Variants in MBNL2 observed in about 807,000 individuals in gnomAD.
MBNL2 encodes the protein muscleblind-like protein 2.
A neutral mutation model predicts 41.9 loss-of-function variants in MBNL2; 17 were observed. That is an observed-to-expected ratio of 0.41 (90% CI 0.28 to 0.61). The LOEUF is 0.61. Among genes scored for constraint, MBNL2 ranks in the 20% least tolerant of loss-of-function variants. The probability of loss-of-function intolerance (pLI) is 0.35; values close to 1 mark genes in which losing one functional copy is unlikely to be tolerated. For missense variants in MBNL2, 336 were observed against 505.6 expected, an observed-to-expected ratio of 0.66 and a Z score of 3.22; for synonymous variants, 195 against 182.9, an observed-to-expected ratio of 1.07 and a Z score of -0.53.
intron 2 of MBNL2, among the ~76,000 whole-genome samples, chr13:97,322,641 A>C (rs527278659): frequency 1.7e-4 from 26 of 152,232 alleles, no homozygotes; most frequent in African/African-American, 5.8e-4. Context: ...AAAACGAAGG[A>C]ACTCTTAATA....
Position 97,376,471 on chromosome 13 carries a change from C to T in MBNL2, c.1048+11300C>T, listed in dbSNP as rs1034755618. On this transcript the variant is annotated intron_variant, in intron 8 of 8. Transcript: ENST00000679496. Reference sequence around the variant, plus strand: ...TATAGCTAATCTAGCAGTTAGAATTCATCATGCTTTAGCATCAAGAACAAA... The same window carrying T: ...TATAGCTAATCTAGCAGTTAGAATTTATCATGCTTTAGCATCAAGAACAAA... 1.8e-4 allele frequency among the ~76,000 whole-genome samples: 28 copies of T among 152,212 alleles called. 1 individual carries two copies. The highest frequency in any genetic ancestry group is 6.5e-4 in the African/African-American group (27 of 41,454).
At chr13:97,305,143 A>T (rs2058011088) in intron 2 of MBNL2, among the ~76,000 whole-genome samples, 1 of 152,262 alleles carries the variant, frequency 6.6e-6, no homozygotes, top group Non-Finnish European at 1.5e-5. Flanking sequence ...GTAAAATTCC[A>T]GTTAGCATCT....
chr13:97,166,837 T>TAGATAGATAGATAGAAAGAA, the MBNL2 span, among the ~76,000 whole-genome samples: 228 of 143,468 alleles, frequency 1.6e-3, 2 homozygotes, highest in Middle Eastern at 3.6e-3. Context: ...GATAGATAGA[T>TAGATAGATAGATAGAAAGAA]AGAAAGATAG....
intron 3 of MBNL2, among the ~76,000 whole-genome samples, chr13:97,335,177 C>CT: frequency 6.6e-6 from 1 of 152,186 alleles, no homozygotes; most frequent in East Asian, 1.9e-4. Context: ...AAAGTACTTC[C>CT]TTAAAGGTCT....
At chr13:97,190,320 T>C in the MBNL2 span, among the ~76,000 whole-genome samples, 5 of 152,350 alleles carry the variant, frequency 3.3e-5, no homozygotes, top group Admixed American at 1.3e-4. Context: ...AGGATACTGA[T>C]ACTCCCTTCC....
At chr13:97,152,473 C>T in the MBNL2 span, among the ~76,000 whole-genome samples, 1 of 151,996 alleles carries the variant, frequency 6.6e-6, no homozygotes, top group Non-Finnish European at 1.5e-5. Context: ...ATAAAAAAGG[C>T]CCAAGCCCCA....
At chr13:97,214,206 C>G in the MBNL2 span, among the ~76,000 whole-genome samples, 4 of 152,232 alleles carry the variant, frequency 2.6e-5, no homozygotes, top group Non-Finnish European at 4.4e-5. Context: ...ATAGCATACA[C>G]TATTTGGTGA....
At chr13:97,373,084 G>A (rs1242225073) in intron 8 of MBNL2, among the ~76,000 whole-genome samples, 3 of 152,160 alleles carry the variant, frequency 2.0e-5, no homozygotes, top group Admixed American at 6.5e-5. Context: ...CAGCCTCTAT[G>A]GATGGCTGAT....
chr13:97,247,978 T>G (rs560328332), intron 1 of MBNL2, among the ~76,000 whole-genome samples: 65 of 152,254 alleles, frequency 4.3e-4, no homozygotes, highest in Non-Finnish European at 8.2e-4. Context: ...TGTTCTGGTT[T>G]AGTGTTTTAA....
chr13:97,357,186 T>G (rs1437695082), intron 6 of MBNL2, among the ~76,000 whole-genome samples: 1 of 152,188 alleles, frequency 6.6e-6, no homozygotes, highest in Admixed American at 6.5e-5. Flanking sequence ...TCGTCCCCCC[T>G]TAGAATAGTT....
the MBNL2 span, among the ~76,000 whole-genome samples, chr13:97,183,788 G>C: frequency 6.6e-6 from 1 of 152,318 alleles, no homozygotes; most frequent in East Asian, 1.9e-4. Flanking sequence ...TAATAAAAGG[G>C]AGGAATTATT....
At chr13:97,292,326 T>A (rs1196244642) in intron 2 of MBNL2, among the ~76,000 whole-genome samples, 1 of 152,168 alleles carries the variant, frequency 6.6e-6, no homozygotes, top group Non-Finnish European at 1.5e-5. Flanking sequence ...CTAAGGCCAT[T>A]CTTGCCATAG....
At chr13:97,242,305 G>C (rs1427980364) in intron 1 of MBNL2, among the ~76,000 whole-genome samples, 1 of 152,152 alleles carries the variant, frequency 6.6e-6, no homozygotes, top group Non-Finnish European at 1.5e-5. Flanking sequence ...TCATAGCCAA[G>C]GCTCCCGCAT....
chr13:97,252,083 C>G (rs1435154331), intron 1 of MBNL2, among the ~76,000 whole-genome samples: 1 of 151,772 alleles, frequency 6.6e-6, no homozygotes, highest in African/African-American at 2.4e-5. Context: ...ATCTCCTGAC[C>G]TCATGATCCA....
rs573941147 is a variant in MBNL2 at position 97,233,281 on chromosome 13, T to G, written c.-605+10750T>G. On this transcript the variant is annotated intron_variant, in intron 1 of 8. Coordinates refer to ENST00000679496, the MANE Select transcript of MBNL2 (RefSeq NM_001382683.1). ...GTGTGCTGCACCTATTAACTCGTCATTTACATTAGGTATATCTCCTAATGC... is the reference window on the plus strand; with the variant it reads ...GTGTGCTGCACCTATTAACTCGTCAGTTACATTAGGTATATCTCCTAATGC... Among the ~76,000 whole-genome samples the G allele has an allele frequency of 1.7e-3, 241 of 145,002 alleles. 3 individuals are homozygous for G. Among genetic ancestry groups the G allele is most frequent in the African/African-American group, 5.9e-3 (233 of 39,492 alleles).
chr13:97,204,779 C>T, the MBNL2 span, among the ~76,000 whole-genome samples: 1 of 151,990 alleles, frequency 6.6e-6, no homozygotes, highest in Admixed American at 6.6e-5. Flanking sequence ...ATGTAATTGT[C>T]GTCTATTAGG....
At chr13:97,303,860 G>A (rs180781758) in intron 2 of MBNL2, among the ~76,000 whole-genome samples, 2 of 152,334 alleles carry the variant, frequency 1.3e-5, no homozygotes, top group African/African-American at 2.4e-5. Context: ...GTCCTGTCAA[G>A]TTTGTTAAAT....
chr13:97,199,570 A>ACATT, the MBNL2 span, among the ~76,000 whole-genome samples: 3 of 152,362 alleles, frequency 2.0e-5, no homozygotes, highest in East Asian at 5.8e-4. Context: ...ATTGCTATAC[A>ACATT]AGACATTTAA....
intron 7 of MBNL2, among the ~76,000 whole-genome samples, chr13:97,364,816 A>T (rs1388137400): frequency 6.6e-6 from 1 of 152,166 alleles, no homozygotes; most frequent in Non-Finnish European, 1.5e-5. Flanking sequence ...TAACTTGATA[A>T]TGTCTGTAAA....
Sources: gnomAD v4.1 joint callset for allele counts (sites outside exome capture counted in the v4.1 genomes callset) on GRCh38, gnomAD v4.1.1 for gene constraint, MANE v1.5 for transcripts, NCBI Gene and HGNC (gene_info 2026-07-23, HGNC 2026-07-21) for gene names.